Variants in ZBTB20 observed in about 807,000 individuals in gnomAD.
ZBTB20 encodes the protein zinc finger and BTB domain-containing protein 20.
In ZBTB20, 9 loss-of-function variants were observed where a neutral mutation model predicts 56.9. The observed-to-expected ratio is 0.16, with a 90% CI of 0.10 to 0.28. The LOEUF is 0.28. ZBTB20 is among the 10% of genes least tolerant of loss of function. ZBTB20 has a pLI of 1.00. For synonymous variants in ZBTB20, 417 were observed against 420.7 expected, an observed-to-expected ratio of 0.99 and a Z score of 0.11; for missense variants, 655 against 1,003.0, an observed-to-expected ratio of 0.65 and a Z score of 4.69.
At chr3:114,979,379 G>C (rs560115335) in intron 2 of ZBTB20, among the ~76,000 whole-genome samples, 1 of 152,102 alleles carries the variant, frequency 6.6e-6, no homozygotes, top group Non-Finnish European at 1.5e-5. Context: ...AAAGTTTAAA[G>C]TAAGCAAATT....
Position 114,316,508 on chromosome 3 carries a change from C to T in ZBTB20, c.*22497G>A, listed in dbSNP as rs1560043724. On this transcript the variant is annotated 3_prime_UTR_variant, in exon 12 of 12. Coordinates refer to ENST00000675478, the MANE Select transcript of ZBTB20 (RefSeq NM_001348800.3). ...CACCTATACATGTATAATATATACA[C>T]TATATATATGTGGATACATATAGGA... 1.9e-6 allele frequency: 1 copy of T among 529,310 alleles called. No homozygotes were observed. Among genetic ancestry groups the T allele is most frequent in the East Asian group, 5.6e-5 (1 of 17,950 alleles). The allele number at this position is 529,310 out of a possible 1,614,324, so 32.8% of individuals were successfully genotyped here.
chr3:114,611,023 CAT>C (rs1342095677), intron 6 of ZBTB20, among the ~76,000 whole-genome samples: 1 of 152,128 alleles, frequency 6.6e-6, no homozygotes, highest in African/African-American at 2.4e-5. Context: ...GTGGATTAGG[CAT>C]ACAACGAAAG....
chr3:114,593,539 C>T (rs1315014674), intron 6 of ZBTB20, among the ~76,000 whole-genome samples: 5 of 151,996 alleles, frequency 3.3e-5, no homozygotes, highest in Admixed American at 1.3e-4. Context: ...CATGCGCCAC[C>T]ACACATGGCT....
At chr3:114,439,549 A>AATGT (rs930990353) in intron 7 of ZBTB20, among the ~76,000 whole-genome samples, 11 of 152,140 alleles carry the variant, frequency 7.2e-5, no homozygotes, top group Admixed American at 5.2e-4. Flanking sequence ...ATGTCTAAAA[A>AATGT]ATGTATGTAT....
intron 10 of ZBTB20, among the ~76,000 whole-genome samples, chr3:114,369,172 AT>A (rs773507407): frequency 6.6e-6 from 1 of 152,246 alleles, no homozygotes; most frequent in Non-Finnish European, 1.5e-5. Context: ...ACAGTAAAAA[AT>A]TGAAGGACAA....
intron 6 of ZBTB20, among the ~76,000 whole-genome samples, chr3:114,559,765 A>G (rs952147094): frequency 2.0e-5 from 3 of 152,058 alleles, no homozygotes; most frequent in African/African-American, 7.2e-5. Context: ...TCCAGCACCA[A>G]CTCTGGGGAA....
intron 6 of ZBTB20, among the ~76,000 whole-genome samples, chr3:114,573,460 AAAG>A (rs2053654681): frequency 6.6e-6 from 1 of 151,510 alleles, no homozygotes; most frequent in Non-Finnish European, 1.5e-5. Context: ...CTCCAACAAA[AAAG>A]AAAAAAAAAA....
intron 7 of ZBTB20, among the ~76,000 whole-genome samples, chr3:114,427,688 G>T (rs772758152): frequency 1.4e-4 from 21 of 152,220 alleles, no homozygotes; most frequent in Non-Finnish European, 2.5e-4. Context: ...AAGATTTGGT[G>T]TCTGCTGTCT....
At chr3:114,945,252 C>T (rs1251713094) in intron 3 of ZBTB20, among the ~76,000 whole-genome samples, 5 of 144,494 alleles carry the variant, frequency 3.5e-5, no homozygotes, top group South Asian at 2.2e-4. Context: ...AATATTTCAC[C>T]GAAAGATTCA....
chr3:114,825,042 TAA>T (rs1387027952), intron 4 of ZBTB20, among the ~76,000 whole-genome samples: 1 of 151,880 alleles, frequency 6.6e-6, no homozygotes, highest in Non-Finnish European at 1.5e-5. Flanking sequence ...ATTTAAGTCC[TAA>T]AAGGCCAGGA....
At chr3:115,092,122 T>C (rs1266992932) in intron 1 of ZBTB20, among the ~76,000 whole-genome samples, 1 of 152,156 alleles carries the variant, frequency 6.6e-6, no homozygotes, top group Admixed American at 6.6e-5. Context: ...AGTAGTAAAG[T>C]GCACACATCC....
At chr3:114,450,826 A>G (rs556301258) in intron 7 of ZBTB20, among the ~76,000 whole-genome samples, 3 of 152,276 alleles carry the variant, frequency 2.0e-5, no homozygotes, top group African/African-American at 7.2e-5. Flanking sequence ...CATCGGCACA[A>G]TTCATCTGTT....
At chr3:115,068,388 G>A (rs925398695) in intron 2 of ZBTB20, among the ~76,000 whole-genome samples, 29 of 152,170 alleles carry the variant, frequency 1.9e-4, no homozygotes, top group Non-Finnish European at 4.1e-4. Context: ...AAGGATACAT[G>A]TTAACAAAAT....
intron 4 of ZBTB20, among the ~76,000 whole-genome samples, chr3:114,893,624 G>A (rs964860966): frequency 6.6e-6 from 1 of 151,970 alleles, no homozygotes; most frequent in African/African-American, 2.4e-5. Flanking sequence ...TCCCAATTTT[G>A]TGACTCTTCA....
At chr3:115,003,376 G>A (rs961355167) in intron 2 of ZBTB20, among the ~76,000 whole-genome samples, 1 of 151,564 alleles carries the variant, frequency 6.6e-6, no homozygotes, top group African/African-American at 2.4e-5. Flanking sequence ...GGAGAAGGGT[G>A]AATGGGCATA....
chr3:114,518,653 A>G (rs1345957084), intron 6 of ZBTB20: 1 of 152,166 alleles, frequency 6.6e-6, no homozygotes, highest in African/African-American at 2.4e-5. Flanking sequence ...TAAGTAGAAG[A>G]GTGCCTGAAA....
intron 5 of ZBTB20, among the ~76,000 whole-genome samples, chr3:114,792,948 TCACTGCAACCTC>T (rs1383353974): frequency 6.7e-6 from 1 of 150,036 alleles, no homozygotes; most frequent in Non-Finnish European, 1.5e-5. Flanking sequence ...CGATCTCAGC[TCACTGCAACCTC>T]CGCCTCCTGG....
intron 4 of ZBTB20, among the ~76,000 whole-genome samples, chr3:114,885,570 TTC>T (rs1374100421): frequency 2.8e-5 from 1 of 35,426 alleles, no homozygotes; most frequent in Non-Finnish European, 1.2e-4. Context: ...TAATAGTTTC[TTC>T]TTTTTTTTTT....
intron 5 of ZBTB20, among the ~76,000 whole-genome samples, chr3:114,799,596 T>C (rs898566718): frequency 1.3e-5 from 2 of 152,006 alleles, no homozygotes; most frequent in Non-Finnish European, 2.9e-5. Flanking sequence ...CATGATTACC[T>C]ATTATTGTGC....
Sources: allele counts gnomAD v4.1 joint callset (sites outside exome capture counted in the v4.1 genomes callset), GRCh38; gene constraint gnomAD v4.1.1; transcripts MANE v1.5; gene names NCBI Gene and HGNC (gene_info 2026-07-23, HGNC 2026-07-21).